The following MSR1 variants were observed in gnomAD, a reference collection of about 807,000 sequenced individuals.
MSR1 encodes the protein macrophage scavenger receptor types I and II.
Under a neutral mutation model 47.2 loss-of-function variants are expected in MSR1, and 53 were observed. The observed-to-expected ratio is 1.12, with a 90% CI of 0.90 to 1.41. The LOEUF is 1.41. MSR1 is among the 40% of genes most tolerant of loss of function. The pLI is 0.00. For missense variants in MSR1, 786 were observed against 546.9 expected (o/e 1.44, Z -4.36); for synonymous variants, 239 against 185.6 (o/e 1.29, Z -2.34).
intron 8 of MSR1, among the ~76,000 whole-genome samples, chr8:16,142,391 T>A (rs1331687128): frequency 6.6e-6 from 1 of 151,930 alleles, no homozygotes; most frequent in Non-Finnish European, 1.5e-5. Flanking sequence ...AGTGACCACA[T>A]TAAAGAACGA....
intron 9 of MSR1, 97 bp from the exon 10 acceptor site, chr8:16,110,315 A>G: frequency 7.2e-6 from 10 of 1,383,310 alleles, no homozygotes; most frequent in Admixed American, 1.7e-5. Flanking sequence ...ATTAAACAAA[A>G]AAGTGTTGAT....
rs543371084 is a variant in MSR1, at chr8:16,147,285, G to A, written c.979+2946C>T. On this transcript the variant is annotated intron_variant, in intron 7 of 9. Transcript: ENST00000262101. ...CTTCTCATGTTTGTGTATCTTTTCA[G>A]TTGTAGACTGTCTTATTCACCCTTC... Among the ~76,000 whole-genome samples, 19 of 152,194 alleles carry A rather than the reference G, an allele frequency of 1.2e-4. No individual in the cohort carries two copies. The East Asian group carries it at 3.5e-3, about 28-fold the overall frequency.
rs1281435486 is a variant in MSR1 at position 16,189,452 on chromosome 8, C to CA, written c.-5+3145_-5+3146insT. 1.5e-4 allele frequency among the ~76,000 whole-genome samples: 8 copies of CA among 54,360 alleles called. 2 individuals carry two copies. Among genetic ancestry groups the CA allele is most frequent in the African/African-American group, 1.0e-3 (8 of 7,808 alleles). The allele number at this position is 54,360 out of a possible 152,430, so 35.7% of individuals were successfully genotyped here. ...AAATCATATTTTATATATATAAAATCTTATTTTATATATATTTTATATATT... is the reference window on the plus strand; with the variant it reads ...AAATCATATTTTATATATATAAAATCATTATTTTATATATATTTTATATATT... On this transcript the variant is annotated intron_variant, in intron 1 of 9. Coordinates refer to ENST00000262101, the MANE Select transcript of MSR1 (RefSeq NM_138715.3).
rs184743024 is a variant in MSR1, at chr8:16,182,088, A to C, written c.-4-4096T>G. The stretch of plus-strand genomic sequence containing the variant: ...AAACCCACCCCAGGCTGTGTGGTCT[A>C]GCCTATTGCTCCTAGGATTCACACC... On this transcript the variant is annotated intron_variant, in intron 1 of 9. Transcript: ENST00000262101. Among the ~76,000 whole-genome samples, 472 of 152,312 alleles carry C rather than the reference A, an allele frequency of 3.1e-3. 2 individuals are homozygous for C. The highest frequency in any genetic ancestry group is 5.0e-3 in the Non-Finnish European group (341 of 68,018).
intron 8 of MSR1, among the ~76,000 whole-genome samples, chr8:16,142,453 A>G (rs1202644582): frequency 2.0e-5 from 3 of 152,160 alleles, no homozygotes; most frequent in Admixed American, 6.6e-5. Context: ...TTGTTTTAAT[A>G]TAACAGTAAT....
chr8:16,124,314 A>G (rs1325216915), intron 8 of MSR1, among the ~76,000 whole-genome samples: 1 of 152,204 alleles, frequency 6.6e-6, no homozygotes, highest in Non-Finnish European at 1.5e-5. Context: ...TGGTGCATTT[A>G]TGCAAATATT....
intron 1 of MSR1, among the ~76,000 whole-genome samples, chr8:16,182,008 T>A (rs1000055502): frequency 2.0e-5 from 3 of 152,094 alleles, no homozygotes; most frequent in Non-Finnish European, 4.4e-5. Context: ...TGTGTGAACA[T>A]CATAGAGTGC....
intron 8 of MSR1, among the ~76,000 whole-genome samples, chr8:16,138,761 G>A (rs1030173536): frequency 1.3e-5 from 2 of 152,166 alleles, no homozygotes; most frequent in African/African-American, 2.4e-5. Flanking sequence ...ATCTCTAGAT[G>A]TTTGTGTAAA....
rs558067944 is a variant in MSR1 at position 16,109,773 on chromosome 8, A to G, written c.*312T>C. 1.2e-3 allele frequency: 398 copies of G among 320,228 alleles called. 2 individuals are homozygous for G. Among genetic ancestry groups the G allele is most frequent in the Non-Finnish European group, 2.1e-3 (357 of 170,802 alleles). The allele number at this position is 320,228 out of a possible 1,614,324, so 19.8% of individuals were successfully genotyped here. A position where few individuals can be genotyped will look rare whatever the true frequency, so the allele number is the denominator to read the frequency against. ...GTGAACATATTATGAATTGGAGCCA[A>G]TTACTGGTATGCATTTCTATTACCC... On this transcript the variant is annotated 3_prime_UTR_variant, in exon 10 of 10. Coordinates refer to ENST00000262101, the MANE Select transcript of MSR1 (RefSeq NM_138715.3).
chr8:16,142,313 G>A (rs1265637316), intron 8 of MSR1, among the ~76,000 whole-genome samples: 2 of 152,094 alleles, frequency 1.3e-5, no homozygotes, highest in East Asian at 1.9e-4. Context: ...CCTGGCGACA[G>A]AGCGAGACTC....
chr8:16,154,601 T>C (rs1421466728), intron 6 of MSR1, among the ~76,000 whole-genome samples: 1 of 151,998 alleles, frequency 6.6e-6, no homozygotes, highest in African/African-American at 2.4e-5. Context: ...TCCAATTTGC[T>C]TGTGATTCAT....
At chr8:16,161,844 T>C (rs1026456197) in intron 5 of MSR1, among the ~76,000 whole-genome samples, 4 of 152,012 alleles carry the variant, frequency 2.6e-5, no homozygotes, top group African/African-American at 9.7e-5. Flanking sequence ...CAAACTAGTG[T>C]ATTTGAAATG....
chr8:16,128,010 T>A (rs1800167856), intron 8 of MSR1, among the ~76,000 whole-genome samples: 1 of 152,158 alleles, frequency 6.6e-6, no homozygotes, highest in African/African-American at 2.4e-5. Context: ...TAAAAGAACA[T>A]CACTGAAATG....
intron 8 of MSR1, chr8:16,140,091 T>C (rs7819660): frequency 5.0e-6 from 4 of 803,730 alleles, no homozygotes; most frequent in Non-Finnish European, 5.8e-6. Flanking sequence ...GAATTAATGA[T>C]TGAATGAATG....
intron 9 of MSR1, among the ~76,000 whole-genome samples, chr8:16,120,190 A>T (rs1382571823): frequency 6.6e-6 from 1 of 151,908 alleles, no homozygotes; most frequent in East Asian, 1.9e-4. Context: ...ATCCTGGCTA[A>T]CACGGTGAAA....
At chr8:16,123,523 CTT>C (rs33939924) in intron 8 of MSR1, among the ~76,000 whole-genome samples, 10,245 of 148,772 alleles carry the variant, frequency 0.069, 609 homozygotes, top group East Asian at 0.23. Context: ...TCAGATAGGG[CTT>C]TTTTTTTTTC....
At chr8:16,150,851 A>AAC (rs3036816) in intron 6 of MSR1, among the ~76,000 whole-genome samples, 5,918 of 141,944 alleles carry the variant, frequency 0.042, 210 homozygotes, top group Admixed American at 0.13. Context: ...CATAAACATA[A>AAC]ACACACACAC....
intron 5 of MSR1, among the ~76,000 whole-genome samples, chr8:16,162,683 G>T (rs1259135493): frequency 1.3e-5 from 2 of 152,020 alleles, no homozygotes; most frequent in African/African-American, 2.4e-5. Context: ...TTATAGAATA[G>T]TGTTTATAAC....
rs557423546 is a variant in MSR1 at position 16,191,748 on chromosome 8, TA to T, written c.-5+849del. On this transcript the variant is annotated intron_variant, in intron 1 of 9. Coordinates refer to ENST00000262101, the MANE Select transcript of MSR1 (RefSeq NM_138715.3). ...GGCTAATCACTGCATAAAACATCTG[TA>T]ATCTCAGTTCTATGGTTTTTCTATA... 1.6e-4 allele frequency among the ~76,000 whole-genome samples: 25 copies of T among 152,294 alleles called. No homozygotes were observed. In the South Asian group the frequency reaches 5.2e-3, roughly 32 times the overall value.
Sources: gnomAD v4.1 joint callset for allele counts (sites outside exome capture counted in the v4.1 genomes callset) on GRCh38, gnomAD v4.1.1 for gene constraint, MANE v1.5 for transcripts, NCBI Gene and HGNC (gene_info 2026-07-23, HGNC 2026-07-21) for gene names.